The following RNGTT variants were observed in gnomAD, a reference collection of about 807,000 sequenced individuals.
RNGTT encodes mRNA-capping enzyme.
In RNGTT, 33 loss-of-function variants were observed where a neutral mutation model predicts 79.3. That is an observed-to-expected ratio of 0.42 (90% CI 0.32 to 0.56). The LOEUF (loss-of-function observed/expected upper bound fraction) is 0.56. RNGTT is among the 20% of genes least tolerant of loss of function. The probability of loss-of-function intolerance (pLI) is 0.17; values close to 1 mark genes in which losing one functional copy is unlikely to be tolerated. For missense variants in RNGTT, 497 were observed against 739.1 expected, an observed-to-expected ratio of 0.67 and a Z score of 3.80; for synonymous variants, 222 against 235.9, an observed-to-expected ratio of 0.94 and a Z score of 0.54.
intron 1 of RNGTT, among the ~76,000 whole-genome samples, chr6:88,958,174 C>T (rs1348601914): frequency 1.3e-5 from 2 of 152,084 alleles, no homozygotes; most frequent in East Asian, 1.9e-4. Flanking sequence ...TAACAAGCTA[C>T]GCGTAGAAGA....
intron 13 of RNGTT, among the ~76,000 whole-genome samples, chr6:88,680,955 A>G (rs1366523413): frequency 6.6e-6 from 1 of 152,202 alleles, no homozygotes; most frequent in Non-Finnish European, 1.5e-5. Flanking sequence ...AATGTCCCCT[A>G]ATCTAAGAAA....
At chr6:88,644,278 T>C (rs1773443888) in intron 14 of RNGTT, among the ~76,000 whole-genome samples, 1 of 152,038 alleles carries the variant, frequency 6.6e-6, no homozygotes, top group South Asian at 2.1e-4. Flanking sequence ...CCTCGACACA[T>C]ACACTCTCCC....
At chr6:88,710,051 T>G (rs899941394) in intron 13 of RNGTT, among the ~76,000 whole-genome samples, 6 of 152,348 alleles carry the variant, frequency 3.9e-5, no homozygotes, top group East Asian at 3.9e-4. Flanking sequence ...TTGAAATGTA[T>G]GTATAATTAT....
chr6:88,652,924 A>G (rs1773849518), intron 14 of RNGTT, among the ~76,000 whole-genome samples: 1 of 152,180 alleles, frequency 6.6e-6, no homozygotes, highest in African/African-American at 2.4e-5. Context: ...ATGGATTAGT[A>G]TTCGCTGAAG....
At chr6:88,928,310 A>G (rs1398878295) in intron 4 of RNGTT, among the ~76,000 whole-genome samples, 1 of 152,242 alleles carries the variant, frequency 6.6e-6, no homozygotes, top group Non-Finnish European at 1.5e-5. Context: ...AAGCAAAACA[A>G]CAACAACAAC....
intron 8 of RNGTT, among the ~76,000 whole-genome samples, chr6:88,859,114 C>A (rs1430099469): frequency 6.6e-6 from 1 of 151,952 alleles, no homozygotes; most frequent in Admixed American, 6.6e-5. Context: ...ACCTCAGCCT[C>A]CAAAAGTGCT....
At chr6:88,963,320 T>C (rs1785709129) in intron 1 of RNGTT, 26 bp downstream of exon 1, 1 of 1,611,710 alleles carries the variant, frequency 6.2e-7, no homozygotes, top group Non-Finnish European at 8.5e-7. Context: ...AGTGTGGGGA[T>C]TCGAACGCCC....
intron 2 of RNGTT, among the ~76,000 whole-genome samples, chr6:88,940,677 G>A (rs1168609537): frequency 3.9e-5 from 6 of 152,140 alleles, no homozygotes; most frequent in Non-Finnish European, 5.9e-5. Context: ...ACGGGGTGAG[G>A]AGAGAGTTTG....
intron 8 of RNGTT, among the ~76,000 whole-genome samples, chr6:88,875,797 CA>C (rs967538087): frequency 6.6e-6 from 1 of 151,656 alleles, no homozygotes; most frequent in Admixed American, 6.6e-5. Context: ...CACTAGTATT[CA>C]AAAAAAACTG....
chr6:88,915,336 A>G (rs1783964723), intron 4 of RNGTT, among the ~76,000 whole-genome samples: 1 of 152,246 alleles, frequency 6.6e-6, no homozygotes, highest in African/African-American at 2.4e-5. Context: ...CCACAGCACT[A>G]TTTACAATAG....
intron 9 of RNGTT, 45 bp from the exon 10 acceptor site, chr6:88,849,871 A>G (rs748495893): frequency 6.1e-6 from 9 of 1,474,932 alleles, no homozygotes; most frequent in Middle Eastern, 1.9e-4. Flanking sequence ...TTTAATAACA[A>G]TTTTTTTTAA....
At chr6:88,758,983 C>G (rs145492153) in intron 13 of RNGTT, among the ~76,000 whole-genome samples, 2 of 152,186 alleles carry the variant, frequency 1.3e-5, no homozygotes, top group African/African-American at 2.4e-5. Flanking sequence ...CACCCATTAA[C>G]TCCATTGATT....
rs1774947849 is a variant in RNGTT at position 88,678,125 on chromosome 6, T to C, written c.1506+228A>G. ...CCTCAGCCTCCAGAGTAGCTGGGAC[T>C]ATAGGCACATGCCACTGAACTTGGC... On this transcript the variant is annotated intron_variant, in intron 14 of 15. Transcript: ENST00000369485. The C allele has an allele frequency of 1.4e-5, 10 of 719,012 alleles. No homozygotes were observed. In the East Asian group the frequency reaches 5.3e-4, roughly 38 times the overall value. 44.5% of individuals were successfully genotyped at this position (719,012 alleles called of 1,614,324 possible).
intron 1 of RNGTT, among the ~76,000 whole-genome samples, chr6:88,962,287 G>A (rs1448175220): frequency 6.6e-6 from 1 of 151,876 alleles, no homozygotes; most frequent in Non-Finnish European, 1.5e-5. Context: ...AAAGCTTATT[G>A]TATTCAAGCT....
At chr6:88,860,594 G>A (rs1238722377) in intron 8 of RNGTT, among the ~76,000 whole-genome samples, 1 of 152,094 alleles carries the variant, frequency 6.6e-6, no homozygotes, top group African/African-American at 2.4e-5. Context: ...CTTGCTGCTG[G>A]CTTCCCTTGA....
intron 8 of RNGTT, among the ~76,000 whole-genome samples, chr6:88,880,588 T>C (rs1205580471): frequency 6.6e-6 from 1 of 152,156 alleles, no homozygotes; most frequent in Non-Finnish European, 1.5e-5. Flanking sequence ...GTCTGTTACA[T>C]TATTCCCACA....
chr6:88,734,705 T>C (rs1188211674), intron 13 of RNGTT, among the ~76,000 whole-genome samples: 1 of 152,126 alleles, frequency 6.6e-6, no homozygotes, highest in East Asian at 1.9e-4. Flanking sequence ...GAAATGACAA[T>C]TTTTCAACAC....
chr6:88,880,190 GAATGAATGAATGAA>G (rs1782651673), intron 8 of RNGTT, among the ~76,000 whole-genome samples: 1 of 133,096 alleles, frequency 7.5e-6, no homozygotes, highest in Non-Finnish European at 1.8e-5. Context: ...ATGAATGAAT[GAATGAATGAATGAA>G]TGAATGAATG....
At chr6:88,674,770 A>G (rs191723952) in intron 14 of RNGTT, among the ~76,000 whole-genome samples, 1 of 152,232 alleles carries the variant, frequency 6.6e-6, no homozygotes, top group Admixed American at 6.5e-5. Context: ...TCAGAAAACT[A>G]TGTAACAACA....
Sources: gnomAD v4.1 joint callset for allele counts (sites outside exome capture counted in the v4.1 genomes callset) on GRCh38, gnomAD v4.1.1 for gene constraint, MANE v1.5 for transcripts, NCBI Gene and HGNC (gene_info 2026-07-23, HGNC 2026-07-21) for gene names.